RAB33A: variants seen among roughly 807,000 people sequenced by gnomAD.
The protein encoded by RAB33A is RAB33A, member RAS oncogene family.
RAB33A carries 6 observed loss-of-function variants against 12.0 expected under a neutral mutation model. That is an observed-to-expected ratio of 0.50 (90% confidence interval 0.27 to 0.99). The LOEUF is 0.99. Ranked by LOEUF, RAB33A falls within the 50% of genes least tolerant of loss-of-function variation. The pLI, the probability that RAB33A is intolerant of heterozygous loss-of-function variation, is 0.11. For synonymous variants in RAB33A, 70 were observed against 82.4 expected (o/e 0.85, Z 0.81); for missense variants, 109 against 192.0 (o/e 0.57, Z 2.55).
At chrX:130,143,450 C>T in the RAB33A span, among the ~76,000 whole-genome samples, 2 of 111,315 alleles carry the variant, frequency 1.8e-5, no homozygotes, top group African/African-American at 6.5e-5. Context: ...ATCTTTGCCT[C>T]CTCCATCTCC....
At chrX:130,117,192 T>C in the RAB33A span, among the ~76,000 whole-genome samples, 6 of 111,841 alleles carry the variant, frequency 5.4e-5, no homozygotes, top group South Asian at 3.7e-4. Context: ...CCAGCCTGGG[T>C]GACAGAGCAA....
chrX:130,115,681 GAGGA>G, the RAB33A span, among the ~76,000 whole-genome samples: 2 of 95,123 alleles, frequency 2.1e-5, no homozygotes, highest in African/African-American at 8.2e-5. Flanking sequence ...GAGAGAGAGA[GAGGA>G]AGGAAGGAAG....
At chrX:130,148,004 C>G in the RAB33A span, 1 of 852,860 alleles carries the variant, frequency 1.2e-6, no homozygotes, top group Middle Eastern at 2.9e-4. Context: ...ATATGACCTA[C>G]GCTAATCTTA....
the RAB33A span, chrX:130,145,379 A>G: frequency 1.5e-6 from 1 of 661,191 alleles, no homozygotes; most frequent in South Asian, 2.2e-5. Context: ...ATGAACTACA[A>G]TGGCAGGACA....
the RAB33A span, chrX:130,137,189 G>A: frequency 8.3e-7 from 1 of 1,210,945 alleles, no homozygotes; most frequent in Non-Finnish European, 1.1e-6. Flanking sequence ...GCTCGAGCTG[G>A]GAAGAAGAAA....
At chrX:130,171,781 C>T, upstream of RAB33A, 1 of 351,149 alleles carries the variant, frequency 2.8e-6, no homozygotes. Flanking sequence ...CGCGGCTCGT[C>T]CACTCTCCTC....
At chrX:130,136,618 G>T in the RAB33A span, 2 of 1,187,826 alleles carry the variant, frequency 1.7e-6, no homozygotes, top group Non-Finnish European at 2.3e-6. Flanking sequence ...AAGGCCTCTT[G>T]GCAGACTATC....
At chrX:130,127,519 C>G in the RAB33A span, among the ~76,000 whole-genome samples, 10 of 110,720 alleles carry the variant, frequency 9.0e-5, no homozygotes, top group Admixed American at 3.9e-4. Flanking sequence ...AGGATAACTA[C>G]TGTCAAAGAA....
At chrX:130,120,887 A>T in the RAB33A span, among the ~76,000 whole-genome samples, 2 of 113,245 alleles carry the variant, frequency 1.8e-5, no homozygotes, top group African/African-American at 6.4e-5. Flanking sequence ...TGCACGCGGA[A>T]CGCGGCGGCG....
chrX:130,149,078 C>T, the RAB33A span, among the ~76,000 whole-genome samples: 3 of 107,626 alleles, frequency 2.8e-5, no homozygotes, highest in African/African-American at 1.0e-4. Context: ...TGCACCACCA[C>T]GCCTGGCTAA....
chrX:130,174,394 C>T (rs2031642631), intron 1 of RAB33A, among the ~76,000 whole-genome samples: 1 of 111,981 alleles, frequency 8.9e-6, no homozygotes, highest in African/African-American at 3.2e-5. Context: ...AGATGGTGAC[C>T]CTGCTTCTTG....
At chrX:130,150,582 G>A in the RAB33A span, among the ~76,000 whole-genome samples, 2 of 105,567 alleles carry the variant, frequency 1.9e-5, no homozygotes, top group African/African-American at 3.4e-5. Flanking sequence ...TGATCTGCCC[G>A]CCTCGGCCTC....
At chrX:130,128,295 G>A in the RAB33A span, among the ~76,000 whole-genome samples, 5 of 111,505 alleles carry the variant, frequency 4.5e-5, no homozygotes, top group Admixed American at 2.9e-4. Context: ...TTTTTAGGCC[G>A]GGCGCGGTGA....
the RAB33A span, chrX:130,140,727 G>T: frequency 1.7e-6 from 1 of 599,326 alleles, no homozygotes; most frequent in Non-Finnish European, 2.8e-6. Flanking sequence ...GTGGAATTCT[G>T]TGGATTTCAG....
At chrX:130,165,416 A>G in the RAB33A span, 3 of 561,529 alleles carry the variant, frequency 5.3e-6, no homozygotes, top group Non-Finnish European at 9.2e-6. Context: ...CAGGGTTCGG[A>G]GTCTGCCAAT....
the RAB33A span, chrX:130,147,856 G>C: frequency 8.3e-7 from 1 of 1,211,572 alleles, no homozygotes; most frequent in South Asian, 1.8e-5. Context: ...TTGTCTTGAG[G>C]AACTTCCTCT....
the RAB33A span, among the ~76,000 whole-genome samples, chrX:130,141,616 C>T: frequency 1.8e-5 from 2 of 111,371 alleles, no homozygotes. Flanking sequence ...CTTGAGGTTA[C>T]TGGTCTGCTG....
At chrX:130,142,954 C>T in the RAB33A span, among the ~76,000 whole-genome samples, 1 of 112,279 alleles carries the variant, frequency 8.9e-6, no homozygotes, top group Non-Finnish European at 1.9e-5. Flanking sequence ...CGGTTCTTTT[C>T]TTCCCAGATT....
At chrX:130,155,503 CA>C in the RAB33A span, among the ~76,000 whole-genome samples, 1 of 112,479 alleles carries the variant, frequency 8.9e-6, no homozygotes, top group Admixed American at 9.4e-5. Flanking sequence ...ATTTGACTCA[CA>C]ATAGGCAAGA....
Sources: allele counts gnomAD v4.1 joint callset (sites outside exome capture counted in the v4.1 genomes callset), GRCh38; gene constraint gnomAD v4.1.1; transcripts MANE v1.5; gene names NCBI Gene and HGNC (gene_info 2026-07-23, HGNC 2026-07-21).